MMP26: variants seen among roughly 807,000 people sequenced by gnomAD.
MMP26 encodes matrix metalloproteinase-26.
A neutral mutation model predicts 31.0 loss-of-function variants in MMP26; 33 were observed. That is an observed-to-expected ratio of 1.06 (90% CI 0.81 to 1.42). The LOEUF is 1.42. Ranked by LOEUF, MMP26 falls within the 40% of genes most tolerant of loss-of-function variation. The pLI is 0.00. For synonymous variants in MMP26, 122 were observed against 114.9 expected (o/e 1.06, Z -0.40); for missense variants, 347 against 316.1 (o/e 1.10, Z -0.74).
At chr11:4,713,322 A>G (rs1847885365) in intron 1 of MMP26, among the ~76,000 whole-genome samples, 1 of 152,122 alleles carries the variant, frequency 6.6e-6, no homozygotes, top group African/African-American at 2.4e-5. Context: ...CCTAACATAG[A>G]TCCTGTCTCC....
chr11:4,960,470 T>C (rs570366110), intron 2 of MMP26, among the ~76,000 whole-genome samples: 7 of 151,106 alleles, frequency 4.6e-5, no homozygotes, highest in African/African-American at 1.7e-4. Flanking sequence ...ATCCAGCCTC[T>C]GTAACATCAT....
intron 2 of MMP26, among the ~76,000 whole-genome samples, chr11:4,861,227 A>G (rs1220520715): frequency 2.7e-5 from 4 of 150,378 alleles, no homozygotes; most frequent in African/African-American, 7.3e-5. Flanking sequence ...GTATATACAT[A>G]TAGAAGTATA....
At position 4,837,788 on chromosome 11, in the gene MMP26, A is replaced by G. The variant is rs565049324; in HGVS notation, c.-145+70447A>G. On this transcript the variant is annotated intron_variant, in intron 2 of 7. Coordinates refer to ENST00000380390, the MANE Select transcript of MMP26 (RefSeq NM_021801.5). ...TGCAGGAGACAGCAGGAACAAGGAA[A>G]GAACAATTGAGGCTCTGCTGTGAAA... Among the ~76,000 whole-genome samples, 9 of 152,220 alleles carry G rather than the reference A, an allele frequency of 5.9e-5. No homozygotes were observed. In the South Asian group the frequency reaches 6.2e-4, roughly 11 times the overall value.
intron 2 of MMP26, among the ~76,000 whole-genome samples, chr11:4,799,352 G>T (rs189088760): frequency 1.3e-5 from 2 of 152,068 alleles, no homozygotes; most frequent in Admixed American, 6.5e-5. Flanking sequence ...TGGTAAGAAT[G>T]GGAGCAGGAG....
intron 2 of MMP26, chr11:4,859,722 A>G (rs1407669275): frequency 1.3e-5 from 6 of 471,012 alleles, no homozygotes; most frequent in Non-Finnish European, 2.6e-5. Context: ...GTAGGTATAT[A>G]TCAGCCATGA....
intron 2 of MMP26, chr11:4,795,206 C>A (rs1208362919): frequency 1.3e-5 from 2 of 152,180 alleles, no homozygotes; most frequent in Non-Finnish European, 2.9e-5. Flanking sequence ...TTAAATACAG[C>A]AGCCACAACA....
At chr11:4,865,335 C>G (rs977815718) in intron 2 of MMP26, among the ~76,000 whole-genome samples, 1 of 151,822 alleles carries the variant, frequency 6.6e-6, no homozygotes, top group Non-Finnish European at 1.5e-5. Flanking sequence ...AATTTCTTTG[C>G]TTAATTTTAA....
intron 1 of MMP26, among the ~76,000 whole-genome samples, chr11:4,741,536 A>T (rs1268445709): frequency 1.3e-5 from 2 of 151,980 alleles, no homozygotes; most frequent in Non-Finnish European, 2.9e-5. Flanking sequence ...TCCTCAGCAC[A>T]CTACTACAGG....
rs572234600 is a variant in MMP26 at position 4,856,122 on chromosome 11, A to G, written c.-145+88781A>G. Among the ~76,000 whole-genome samples the G allele has an allele frequency of 5.9e-5, 9 of 152,350 alleles. No individual in the cohort carries two copies. The South Asian group carries it at 1.7e-3, about 28-fold the overall frequency. On this transcript the variant is annotated intron_variant, in intron 2 of 7. Coordinates refer to ENST00000380390, the MANE Select transcript of MMP26 (RefSeq NM_021801.5). ...GTAGCAGCCACTGAAAAAACATGCCAAATTGTAAAGACCATCGATGCTAGG... is the reference window on the plus strand; with the variant it reads ...GTAGCAGCCACTGAAAAAACATGCCGAATTGTAAAGACCATCGATGCTAGG...
At chr11:4,819,396 G>T (rs751746845) in intron 2 of MMP26, among the ~76,000 whole-genome samples, 3 of 151,884 alleles carry the variant, frequency 2.0e-5, no homozygotes, top group Non-Finnish European at 4.4e-5. Context: ...GTACCCGGGA[G>T]AGGGGGGAAA....
At chr11:4,905,534 A>G (rs1342285251) in intron 2 of MMP26, among the ~76,000 whole-genome samples, 2 of 152,182 alleles carry the variant, frequency 1.3e-5, no homozygotes, top group Admixed American at 6.6e-5. Flanking sequence ...CTGAAGGTTG[A>G]TGACTTTTTT....
chr11:4,852,574 T>C (rs1337232373), intron 2 of MMP26, among the ~76,000 whole-genome samples: 4 of 152,292 alleles, frequency 2.6e-5, no homozygotes, highest in Middle Eastern at 3.4e-3. Context: ...TAAACAAGTG[T>C]TGGTGAGAAT....
At chr11:4,934,658 T>C (rs1264747529) in intron 2 of MMP26, among the ~76,000 whole-genome samples, 1 of 145,278 alleles carries the variant, frequency 6.9e-6, no homozygotes, top group Non-Finnish European at 1.5e-5. Context: ...CCCATGCCTA[T>C]GTCCTGAATG....
At chr11:4,737,455 C>T (rs1228419877) in intron 1 of MMP26, among the ~76,000 whole-genome samples, 1 of 152,146 alleles carries the variant, frequency 6.6e-6, no homozygotes, top group African/African-American at 2.4e-5. Context: ...ACCAGCCTGA[C>T]CAACATGGAG....
chr11:4,869,926 C>G (rs182007505), intron 2 of MMP26, among the ~76,000 whole-genome samples: 77 of 152,288 alleles, frequency 5.1e-4, no homozygotes, highest in Non-Finnish European at 7.8e-4. Context: ...TTTGTAGTGA[C>G]ATGGTTGAAG....
chr11:4,905,288 C>T (rs1356667754), intron 2 of MMP26, among the ~76,000 whole-genome samples: 1 of 152,128 alleles, frequency 6.6e-6, no homozygotes, highest in African/African-American at 2.4e-5. Context: ...ATTAATGAGT[C>T]ATGCTCAAAC....
intron 2 of MMP26, among the ~76,000 whole-genome samples, chr11:4,773,091 C>G (rs913237738): frequency 2.0e-5 from 3 of 152,134 alleles, no homozygotes; most frequent in Non-Finnish European, 4.4e-5. Flanking sequence ...TCTTAAAGAG[C>G]TAACTATCTA....
intron 2 of MMP26, among the ~76,000 whole-genome samples, chr11:4,929,167 AT>A (rs1446235345): frequency 6.6e-6 from 1 of 152,070 alleles, no homozygotes; most frequent in East Asian, 1.9e-4. Context: ...TTTTGTGTTT[AT>A]TTTTTTAATT....
At chr11:4,768,009 A>G (rs1848653942) in intron 2 of MMP26, among the ~76,000 whole-genome samples, 1 of 152,224 alleles carries the variant, frequency 6.6e-6, no homozygotes, top group Admixed American at 6.5e-5. Flanking sequence ...GGCAAGAACT[A>G]TGAATTCTTT....
Sources: gnomAD v4.1 joint callset for allele counts (sites outside exome capture counted in the v4.1 genomes callset) on GRCh38, gnomAD v4.1.1 for gene constraint, MANE v1.5 for transcripts, NCBI Gene and HGNC (gene_info 2026-07-23, HGNC 2026-07-21) for gene names.